The following FAM234A variants were observed in gnomAD, a reference collection of about 807,000 sequenced individuals.
The protein encoded by FAM234A is protein FAM234A.
In FAM234A, 42 loss-of-function variants were observed where a neutral mutation model predicts 49.1. That is an observed-to-expected ratio of 0.86 (90% CI 0.67 to 1.11). The LOEUF is 1.11. FAM234A is among the 50% of genes least tolerant of loss of function. The pLI, the probability that FAM234A is intolerant of heterozygous loss-of-function variation, is 0.00. For missense variants in FAM234A, 815 were observed against 745.2 expected (o/e 1.09, Z -1.09); for synonymous variants, 369 against 316.2 (o/e 1.17, Z -1.77).
intron 3 of FAM234A, among the ~76,000 whole-genome samples, chr16:257,480 A>T (rs2051282863): frequency 6.6e-6 from 1 of 151,902 alleles, no homozygotes; most frequent in African/African-American, 2.4e-5. Context: ...TCTTGACCTC[A>T]GGTGATCCAC....
intron 1 of FAM234A, among the ~76,000 whole-genome samples, chr16:240,757 C>T (rs1185612095): frequency 2.0e-5 from 3 of 152,082 alleles, no homozygotes; most frequent in Non-Finnish European, 2.9e-5. Flanking sequence ...CCGCCTAGGC[C>T]TCCTAAAGTG....
At chr16:237,596 T>C (rs1238671121) in intron 1 of FAM234A, among the ~76,000 whole-genome samples, 1 of 152,140 alleles carries the variant, frequency 6.6e-6, no homozygotes, top group Non-Finnish European at 1.5e-5. Context: ...CTCAGTTCCT[T>C]GCATCATGGA....
In FAM234A at chr16:263,328, C is replaced by T. The variant is rs1352466722; in HGVS notation, c.1038C>T (p.Gly346=). Residue 346 remains glycine (G), a synonymous_variant, in exon 9 of 13, where the codon GGC becomes GGT. Transcript: ENST00000399932. Reference sequence around the variant, plus strand: ...CCGGTGCAGATGTGCTTCTTGTGGGCTCAGAGGCCTTCGTGCTGCTGGACG... The same window carrying T: ...CCGGTGCAGATGTGCTTCTTGTGGGTTCAGAGGCCTTCGTGCTGCTGGACG... ...GNAGADVLLV[G]SEAFVLLDGQ... The T allele has an allele frequency of 1.2e-6, 2 of 1,613,088 alleles. No individual in the cohort carries two copies. Among genetic ancestry groups the T allele is most frequent in the Admixed American group, 1.7e-5 (1 of 60,010 alleles).
At chr16:252,373 G>A (rs888109355) in intron 2 of FAM234A, among the ~76,000 whole-genome samples, 4 of 151,764 alleles carry the variant, frequency 2.6e-5, no homozygotes, top group African/African-American at 9.7e-5. Flanking sequence ...GTAGAGATGC[G>A]GTTTTCACCA....
intron 4 of FAM234A, 47 bp downstream of exon 4, chr16:259,646 G>T (rs756261107): frequency 8.1e-7 from 1 of 1,228,062 alleles, no homozygotes; most frequent in Non-Finnish European, 1.2e-6. Context: ...GTAGAAAGAG[G>T]AATCGTCATT....
In FAM234A at chr16:254,265, C is replaced by A. The variant is rs1368293957; in HGVS notation, c.-33-116C>A. 6 of 760,300 alleles carry A rather than the reference C, an allele frequency of 7.9e-6. 1 individual carries two copies. In the African/African-American group the frequency reaches 1.0e-4, roughly 13 times the overall value. 47.1% of individuals were successfully genotyped at this position (760,300 alleles called of 1,614,324 possible). A position where few individuals can be genotyped will look rare whatever the true frequency, so the allele number is the denominator to read the frequency against. ...TAGCTTTTATTTCCTGGGCTGGTGGCCCATAGTTAGAGCTGCAGCCAGTCC... is the reference window on the plus strand; with the variant it reads ...TAGCTTTTATTTCCTGGGCTGGTGGACCATAGTTAGAGCTGCAGCCAGTCC... On this transcript the variant is annotated intron_variant, in intron 2 of 12. Coordinates refer to ENST00000399932, the MANE Select transcript of FAM234A (RefSeq NM_032039.4).
chr16:267,470 C>T (rs373191238), downstream of FAM234A, among the ~76,000 whole-genome samples: 1 of 150,362 alleles, frequency 6.7e-6, no homozygotes, highest in Admixed American at 6.7e-5. Context: ...ATGTACTATA[C>T]ATGTGCACAC....
At chr16:246,542 C>T (rs1260242471) in intron 1 of FAM234A, among the ~76,000 whole-genome samples, 1 of 148,938 alleles carries the variant, frequency 6.7e-6, no homozygotes, top group African/African-American at 2.5e-5. Context: ...GCCTCAGCCT[C>T]CCGAGTAGCT....
intron 1 of FAM234A, among the ~76,000 whole-genome samples, chr16:239,038 C>T (rs2142205917): frequency 7.2e-6 from 1 of 138,538 alleles, no homozygotes; most frequent in Non-Finnish European, 1.6e-5. Context: ...GCTGAGATCG[C>T]TCCGCTACAC....
At position 254,636 on chromosome 16, in the gene FAM234A, C is replaced by T. The variant is rs1290601881; in HGVS notation, c.223C>T (p.Arg75Trp). The change falls in exon 3 of 13, where the codon CGG (arginine) becomes TGG (tryptophan). Residue 75 changes from arginine to tryptophan, a missense_variant. Transcript: ENST00000399932. ...VVSFVIPCPD[R>W]PASQRMWRID... ...CTCATTCGTCATCCCGTGTCCAGAC[C>T]GGCCGGCGTCACAGCGAATGTGGAG... The T allele has an allele frequency of 3.1e-6, 5 of 1,613,946 alleles. No homozygotes were observed. Among genetic ancestry groups the T allele is most frequent in the African/African-American group, 1.3e-5 (1 of 74,910 alleles).
intron 1 of FAM234A, among the ~76,000 whole-genome samples, chr16:247,421 TC>T (rs2050851244): frequency 6.6e-6 from 1 of 151,356 alleles, no homozygotes; most frequent in African/African-American, 2.4e-5. Context: ...GAGACAACAC[TC>T]CCAGCCTTAT....
At chr16:244,682 C>CT (rs59549388) in intron 1 of FAM234A, among the ~76,000 whole-genome samples, 5,893 of 86,708 alleles carry the variant, frequency 0.068, 257 homozygotes, top group African/African-American at 0.087. Context: ...ATGGTAACCT[C>CT]TTTTTTTTTT....
At chr16:250,469 G>A (rs2050961541) in intron 2 of FAM234A, among the ~76,000 whole-genome samples, 2 of 151,948 alleles carry the variant, frequency 1.3e-5, no homozygotes, top group South Asian at 4.1e-4. Flanking sequence ...GTCCTTGGTC[G>A]CGACTCATTG....
chr16:265,252 A>G lies in FAM234A; in HGVS notation c.*230A>G. The G allele has an allele frequency of 5.9e-6, 8 of 1,361,896 alleles. No individual in the cohort carries two copies. The highest frequency in any genetic ancestry group is 4.4e-5 in the African/African-American group (3 of 68,294). 84.4% of individuals were successfully genotyped at this position (1,361,896 alleles called of 1,614,324 possible). On this transcript the variant is annotated 3_prime_UTR_variant, in exon 13 of 13. Transcript: ENST00000399932. ...CGCCCAGCATCCTCCCTGAGTCCCC[A>G]CACAGGGCCTCACTCTGCACCCCAC... is the stretch of plus-strand genomic sequence containing the variant.
At chr16:237,769 T>G (rs913515230) in intron 1 of FAM234A, among the ~76,000 whole-genome samples, 2 of 151,092 alleles carry the variant, frequency 1.3e-5, no homozygotes, top group Non-Finnish European at 2.9e-5. Flanking sequence ...TGGAGTGCAG[T>G]GACGTGATCT....
At position 265,117 on chromosome 16, in the gene FAM234A, C is replaced by A; in HGVS notation, c.*95C>A. 1 of 1,480,418 alleles carries A rather than the reference C, an allele frequency of 6.8e-7. No individual in the cohort carries two copies. 91.7% of individuals were successfully genotyped at this position (1,480,418 alleles called of 1,614,324 possible). On this transcript the variant is annotated 3_prime_UTR_variant, in exon 13 of 13. Coordinates refer to ENST00000399932, the MANE Select transcript of FAM234A (RefSeq NM_032039.4). The stretch of plus-strand genomic sequence containing the variant: ...TCCCTGGGTCTCTGCACTGACTCCC[C>A]CACTCCTGACCCTGGTGATGGTCGC...
intron 1 of FAM234A, among the ~76,000 whole-genome samples, chr16:245,065 T>C (rs547040637): frequency 6.6e-6 from 1 of 152,124 alleles, no homozygotes; most frequent in African/African-American, 2.4e-5. Flanking sequence ...CAACACATTT[T>C]AAAATGCTTA....
In FAM234A at chr16:262,121, C is replaced by G. The variant is rs746450880; in HGVS notation, c.737C>G (p.Thr246Ser). 1.9e-6 allele frequency: 3 copies of G among 1,613,922 alleles called. No homozygotes were observed. In the Admixed American group the frequency reaches 5.0e-5, roughly 27 times the overall value. The change falls in exon 7 of 13, where the codon ACC (threonine) becomes AGC (serine). Residue 246 changes from threonine (T) to serine (S), a missense_variant. Transcript: ENST00000399932. ...AGTGGCCACCTCTACTCCGGCAGCACCGGGCACCAGATTGGCCTCAGAGGC... is the reference window on the plus strand; with the variant it reads ...AGTGGCCACCTCTACTCCGGCAGCAGCGGGCACCAGATTGGCCTCAGAGGC... ...EVSGHLYSGS[T>S]GHQIGLRGSL... is the part of the protein sequence containing the mutation.
intron 9 of FAM234A, 40 bp from the exon 10 acceptor site, chr16:263,660 A>C (rs1360355166): frequency 6.6e-7 from 1 of 1,522,946 alleles, no homozygotes; most frequent in Non-Finnish European, 9.1e-7. Context: ...CAGTCTCCTC[A>C]CTGAGACCCC....
Sources: allele counts gnomAD v4.1 joint callset (sites outside exome capture counted in the v4.1 genomes callset), GRCh38; gene constraint gnomAD v4.1.1; transcripts MANE v1.5; gene names NCBI Gene and HGNC (gene_info 2026-07-23, HGNC 2026-07-21).